The following KIDINS220 variants were observed in gnomAD, a reference collection of about 807,000 sequenced individuals.
KIDINS220 encodes kinase D interacting substrate 220.
A neutral mutation model predicts 157.6 loss-of-function variants in KIDINS220; 63 were observed. The observed-to-expected ratio is 0.40, with a 90% confidence interval of 0.33 to 0.49. KIDINS220 has a LOEUF of 0.49. Ranked by LOEUF, KIDINS220 falls within the 20% of genes least tolerant of loss-of-function variation. The probability of loss-of-function intolerance (pLI) is 0.66; values close to 1 mark genes in which losing one functional copy is unlikely to be tolerated. For missense variants in KIDINS220, 1,772 were observed against 2,171.2 expected, an observed-to-expected ratio of 0.82 and a Z score of 3.65; for synonymous variants, 732 against 783.6, an observed-to-expected ratio of 0.93 and a Z score of 1.10.
At chr2:8,773,200 T>A (rs1670466228) in intron 21 of KIDINS220, among the ~76,000 whole-genome samples, 1 of 152,184 alleles carries the variant, frequency 6.6e-6, no homozygotes, top group Admixed American at 6.5e-5. Context: ...AAGACAAATA[T>A]CTCTGATTTA....
downstream of KIDINS220, chr2:8,722,075 T>C (rs1055980845): frequency 2.0e-4 from 30 of 152,128 alleles, no homozygotes; most frequent in African/African-American, 7.0e-4. Flanking sequence ...TTAATACTGA[T>C]AGAGATACAA....
At chr2:8,760,062 T>C (rs774761822) in intron 22 of KIDINS220, among the ~76,000 whole-genome samples, 1 of 152,242 alleles carries the variant, frequency 6.6e-6, no homozygotes, top group Non-Finnish European at 1.5e-5. Context: ...GCCACAGACA[T>C]GGCTCAAAAT....
intron 16 of KIDINS220, 86 bp downstream of exon 16, chr2:8,786,120 T>C: frequency 1.9e-6 from 3 of 1,575,926 alleles, no homozygotes; most frequent in Admixed American, 3.5e-5. Context: ...GAGTCTAATG[T>C]TCAAGGTGTG....
Position 8,815,345 on chromosome 2 carries a change from G to A in KIDINS220, c.307-2010C>T, listed in dbSNP as rs115610035. On this transcript the variant is annotated intron_variant, in intron 4 of 29. Transcript: ENST00000256707. ...GAGCCCAGGGGATGGAGGTTGTACC[G>A]AGCTGAGATCGTGCCATTGCACTCC... is the stretch of plus-strand genomic sequence containing the variant. 6.3e-3 allele frequency among the ~76,000 whole-genome samples: 949 copies of A among 149,936 alleles called. 15 individuals are homozygous for A. The highest frequency in any genetic ancestry group is 0.022 in the African/African-American group (897 of 40,620).
downstream of KIDINS220, chr2:8,726,766 G>A (rs75367180): frequency 0.011 from 4,771 of 425,312 alleles, 56 homozygotes; most frequent in East Asian, 0.057. Flanking sequence ...GAAAAAGGAC[G>A]GTAAAAATAT....
chr2:8,833,507 T>A, intron 1 of KIDINS220, among the ~76,000 whole-genome samples: 1 of 147,046 alleles, frequency 6.8e-6, no homozygotes, highest in East Asian at 2.0e-4. Flanking sequence ...TAGCTACACC[T>A]GCTGGAATGG....
At chr2:8,757,121 GAAA>G in intron 22 of KIDINS220, 1 of 317,830 alleles carries the variant, frequency 3.1e-6, no homozygotes, top group Non-Finnish European at 4.5e-6. Context: ...TTCATTTTAG[GAAA>G]AAAAAAAGAG....
Position 8,779,709 on chromosome 2 carries a change from A to T in KIDINS220, c.2335T>A (p.Cys779Ser). Residue 779 changes from cysteine (C) to serine (S), a missense_variant, in exon 18 of 30, where the codon TGT becomes AGT. By Grantham distance (112) the Cys-to-Ser change is moderately radical. Transcript: ENST00000256707. ...ATCTGAAGGACTTTGTCCTGCTCAC[A>T]GGCATCTAATCCATCGATGATGACC... is the stretch of plus-strand genomic sequence containing the variant. ...LVVIIDGLDA[C>S]EQDKVLQMLD... The T allele has an allele frequency of 6.2e-7, 1 of 1,614,168 alleles. No individual in the cohort carries two copies. The highest frequency in any genetic ancestry group is 8.5e-7 in the Non-Finnish European group (1 of 1,180,010).
intron 6 of KIDINS220, among the ~76,000 whole-genome samples, chr2:8,811,227 A>T (rs1490593636): frequency 1.3e-5 from 2 of 152,158 alleles, no homozygotes; most frequent in Non-Finnish European, 2.9e-5. Flanking sequence ...ATGTGAAAAG[A>T]CTATGACTAT....
chr2:8,831,744 C>T (rs991828728), intron 1 of KIDINS220, among the ~76,000 whole-genome samples: 2 of 152,202 alleles, frequency 1.3e-5, no homozygotes, highest in African/African-American at 4.8e-5. Context: ...AGAAAAGCAG[C>T]CCCTGACTGT....
At chr2:8,740,245 C>G in intron 26 of KIDINS220, 1 of 768,194 alleles carries the variant, frequency 1.3e-6, no homozygotes, top group Non-Finnish European at 1.6e-6. Context: ...ATCCGATGCA[C>G]AACTATAAAT....
chr2:8,765,756 T>C lies in KIDINS220; in HGVS notation c.3011+4914A>G, dbSNP rs141772065. Reference sequence around the variant, plus strand: ...CACCCAGGCTGGAGTGTGGTAGCTATTCACAGGCACAGTCATGGCACGCTG... The same window carrying C: ...CACCCAGGCTGGAGTGTGGTAGCTACTCACAGGCACAGTCATGGCACGCTG... On this transcript the variant is annotated intron_variant, in intron 22 of 29. Coordinates refer to ENST00000256707, the MANE Select transcript of KIDINS220 (RefSeq NM_020738.4). Among the ~76,000 whole-genome samples, 226 of 152,170 alleles carry C rather than the reference T, an allele frequency of 1.5e-3. 2 individuals carry two copies. Among genetic ancestry groups the C allele is most frequent in the African/African-American group, 5.2e-3 (217 of 41,522 alleles).
At chr2:8,751,951 C>T (rs1019049393) in intron 22 of KIDINS220, among the ~76,000 whole-genome samples, 1 of 152,128 alleles carries the variant, frequency 6.6e-6, no homozygotes, top group African/African-American at 2.4e-5. Context: ...TTGATCCACC[C>T]ACCTCAGTCT....
intron 20 of KIDINS220, among the ~76,000 whole-genome samples, chr2:8,777,452 C>T (rs1311508717): frequency 6.6e-6 from 1 of 152,100 alleles, no homozygotes; most frequent in Non-Finnish European, 1.5e-5. Flanking sequence ...GCATGCACCA[C>T]CACATCCAGC....
intron 7 of KIDINS220, 31 bp downstream of exon 7, chr2:8,806,240 A>G: frequency 6.9e-7 from 1 of 1,454,766 alleles, no homozygotes; most frequent in Non-Finnish European, 9.5e-7. Flanking sequence ...ACATGTTTCT[A>G]TTGCCAAGCA....
At chr2:8,789,318 C>G (rs1167401991) in intron 14 of KIDINS220, among the ~76,000 whole-genome samples, 8 of 131,414 alleles carry the variant, frequency 6.1e-5, no homozygotes, top group African/African-American at 2.3e-4. Flanking sequence ...GATGGAGTCT[C>G]GCTCTGTTGC....
chr2:8,829,655 T>C (rs997472958), intron 1 of KIDINS220, among the ~76,000 whole-genome samples: 31 of 152,170 alleles, frequency 2.0e-4, no homozygotes, highest in African/African-American at 6.3e-4. Flanking sequence ...GAGCTATATA[T>C]ACAGCATCTC....
downstream of KIDINS220, chr2:8,723,610 T>C (rs191288628): frequency 1.3e-5 from 2 of 152,346 alleles, no homozygotes; most frequent in Admixed American, 6.5e-5. Flanking sequence ...GTAGTCCATC[T>C]GAGGGAGGAG....
At chr2:8,785,155 A>G (rs765297015) in intron 17 of KIDINS220, among the ~76,000 whole-genome samples, 21 of 152,226 alleles carry the variant, frequency 1.4e-4, no homozygotes, top group Non-Finnish European at 2.5e-4. Context: ...CCAATCTGAA[A>G]AGACTACACA....
Sources: gnomAD v4.1 joint callset for allele counts (sites outside exome capture counted in the v4.1 genomes callset) on GRCh38, gnomAD v4.1.1 for gene constraint, MANE v1.5 for transcripts, NCBI Gene and HGNC (gene_info 2026-07-23, HGNC 2026-07-21) for gene names.